Variants in MED16 observed in about 807,000 individuals in gnomAD.
MED16 encodes mediator complex subunit 16.
In MED16, 81 loss-of-function variants were observed where a neutral mutation model predicts 84.4. That is an observed-to-expected ratio of 0.96 (90% confidence interval 0.80 to 1.15). The LOEUF is 1.15. Ranked by LOEUF, MED16 falls within the 50% of genes most tolerant of loss-of-function variation. The probability of loss-of-function intolerance (pLI) is 0.00; values close to 1 mark genes in which losing one functional copy is unlikely to be tolerated. For synonymous variants in MED16, 897 were observed against 552.2 expected (o/e 1.62, Z -8.76); for missense variants, 1,585 against 1,245.9 (o/e 1.27, Z -4.10).
intron 9 of MED16, among the ~76,000 whole-genome samples, chr19:876,257 C>G (rs1050248852): frequency 2.6e-5 from 4 of 152,112 alleles, no homozygotes; most frequent in African/African-American, 9.7e-5. Context: ...TGAGGTCCTT[C>G]GAGGACACTC....
chr19:872,613 C>G (rs1019462790), intron 11 of MED16, among the ~76,000 whole-genome samples: 1 of 137,764 alleles, frequency 7.3e-6, no homozygotes, highest in African/African-American at 2.8e-5. Flanking sequence ...GTGGGTGGGG[C>G]AGAAGAAATC....
Position 868,133 on chromosome 19 carries a change from G to A in MED16, c.2602C>T (p.Leu868=), listed in dbSNP as rs745765961. 1.5e-5 allele frequency: 24 copies of A among 1,611,692 alleles called. No individual in the cohort carries two copies. Among genetic ancestry groups the A allele is most frequent in the Non-Finnish European group, 2.0e-5 (24 of 1,179,580 alleles). ...THHSPRTPRS[L]DHLHPEDRP Reference sequence around the variant, plus strand: ...CGGTCCTCTGGATGCAGATGGTCCAGGGATCTGGGGGTCCTGGGAGAGTGG... The same window carrying A: ...CGGTCCTCTGGATGCAGATGGTCCAAGGATCTGGGGGTCCTGGGAGAGTGG... The change falls in exon 16 of 16, where the codon CTG becomes TTG. Residue 868 remains leucine (L), a synonymous_variant. Transcript: ENST00000325464.
chr19:870,153 T>A (rs2036011257), intron 13 of MED16, among the ~76,000 whole-genome samples: 1 of 152,134 alleles, frequency 6.6e-6, no homozygotes, highest in East Asian at 1.9e-4. Flanking sequence ...CTAAGGCGTC[T>A]CTCTCCATCC....
intron 14 of MED16, 54 bp from the exon 15 acceptor site, chr19:868,553 C>T (rs1476699660): frequency 2.3e-5 from 36 of 1,589,754 alleles, no homozygotes; most frequent in South Asian, 7.8e-5. Context: ...GCCTCCCTTA[C>T]GCCTGCCCCA....
chr19:884,929 T>A lies in MED16; in HGVS notation c.959A>T (p.Asn320Ile). 4 of 1,609,468 alleles carry A rather than the reference T, an allele frequency of 2.5e-6. No individual in the cohort carries two copies. In the South Asian group the frequency reaches 3.3e-5, roughly 13 times the overall value. Residue 320 changes from asparagine to isoleucine, a missense_variant, in exon 6 of 16, where the codon AAC (asparagine) becomes ATC (isoleucine). By Grantham distance (149) the Asn-to-Ile change is moderately radical. Coordinates refer to ENST00000325464, the MANE Select transcript of MED16 (RefSeq NM_005481.3). ...SLRKEGLPVN[N>I]IFQQISPVVG... ...CACGGGGGAGATCTGCTGGAAGATG[T>A]TGTTCACGGGGAGTCCCTCCTTGCG... is the stretch of plus-strand genomic sequence containing the variant.
At chr19:885,429 G>A (rs1438193747) in intron 5 of MED16, among the ~76,000 whole-genome samples, 2 of 152,152 alleles carry the variant, frequency 1.3e-5, no homozygotes, top group East Asian at 3.9e-4. Context: ...ATTCGGTTCG[G>A]GACACTGAGA....
chr19:878,553 A>ACCAGCGCCAGCC (rs2036324779), intron 8 of MED16, among the ~76,000 whole-genome samples: 1 of 24,340 alleles, frequency 4.1e-5, no homozygotes, highest in Non-Finnish European at 7.8e-5. Context: ...GTCAATGCCC[A>ACCAGCGCCAGCC]CCAGCCCCAG....
intron 6 of MED16, among the ~76,000 whole-genome samples, chr19:883,252 G>A (rs2036456292): frequency 6.6e-6 from 1 of 151,662 alleles, no homozygotes; most frequent in African/African-American, 2.4e-5. Context: ...TGGGCACGTG[G>A]GGCGGTGCGT....
chr19:888,577 G>GCACAACAT (rs1418616498), intron 4 of MED16, among the ~76,000 whole-genome samples: 6 of 151,174 alleles, frequency 4.0e-5, no homozygotes, highest in Admixed American at 3.3e-4. Context: ...GGTGGTGGCC[G>GCACAACAT]CACAACATGG....
At chr19:883,737 G>A (rs574259177) in intron 6 of MED16, among the ~76,000 whole-genome samples, 86 of 152,232 alleles carry the variant, frequency 5.6e-4, no homozygotes, top group Non-Finnish European at 9.1e-4. Flanking sequence ...CGGGGGCACC[G>A]GGCAGTGAAG....
At chr19:877,891 G>C (rs565552453) in intron 8 of MED16, among the ~76,000 whole-genome samples, 9 of 106,526 alleles carry the variant, frequency 8.4e-5, no homozygotes, top group Non-Finnish European at 1.0e-4. Flanking sequence ...GGTTGTCAAT[G>C]CCCACCAGCC....
Position 868,136 on chromosome 19 carries a change from A to T in MED16, c.2599T>A (p.Ser867Thr). The change falls in exon 16 of 16, where the codon TCC (serine) becomes ACC (threonine). Residue 867 changes from serine (S) to threonine (T), a missense_variant. Coordinates refer to ENST00000325464, the MANE Select transcript of MED16 (RefSeq NM_005481.3). ...TCCTCTGGATGCAGATGGTCCAGGG[A>T]TCTGGGGGTCCTGGGAGAGTGGTGT... ...STHHSPRTPR[S>T]LDHLHPEDRP 1 of 1,611,868 alleles carries T rather than the reference A, an allele frequency of 6.2e-7. No homozygotes were observed. The highest frequency in any genetic ancestry group is 1.1e-5 in the South Asian group (1 of 90,984).
Position 884,938 on chromosome 19 carries a change from G to T in MED16, c.950C>A (p.Pro317His). The T allele has an allele frequency of 6.2e-7, 1 of 1,609,866 alleles. No homozygotes were observed. The highest frequency in any genetic ancestry group is 2.2e-5 in the East Asian group (1 of 44,848). ...ECWSLRKEGL[P>H]VNNIFQQISP... ...GATCTGCTGGAAGATGTTGTTCACG[G>T]GGAGTCCCTCCTTGCGCAGGGACCA... Residue 317 changes from proline (P) to histidine (H), a missense_variant, in exon 6 of 16, where the codon CCC becomes CAC. By Grantham distance (77) the Pro-to-His change is moderately conservative. Coordinates refer to ENST00000325464, the MANE Select transcript of MED16 (RefSeq NM_005481.3).
chr19:884,713 C>A (rs1599339521), intron 6 of MED16, among the ~76,000 whole-genome samples, 190 bp downstream of exon 6: 1 of 152,170 alleles, frequency 6.6e-6, no homozygotes, highest in East Asian at 1.9e-4. Flanking sequence ...ATACGCCTAA[C>A]ACACTCAGAA....
chr19:872,899 G>A (rs906325601), intron 11 of MED16: 5 of 1,004,032 alleles, frequency 5.0e-6, no homozygotes, highest in Middle Eastern at 4.9e-4. Context: ...TGTGGCCAAG[G>A]AAAGGCTTCT....
chr19:881,825 G>T, intron 6 of MED16, 111 bp from the exon 7 acceptor site: 1 of 1,293,900 alleles, frequency 7.7e-7, no homozygotes, highest in Non-Finnish European at 1.1e-6. Context: ...CCCTTCCCAG[G>T]TCTCATGCCG....
rs1420188381 is a variant in MED16, at chr19:875,359, G to T, written c.1656C>A (p.Phe552Leu). Residue 552 changes from phenylalanine to leucine, a missense_variant, in exon 10 of 16, where the codon TTC (phenylalanine) becomes TTA (leucine). By Grantham distance (22) the Phe-to-Leu change is conservative (BLOSUM62 0). Coordinates refer to ENST00000325464, the MANE Select transcript of MED16 (RefSeq NM_005481.3). ...TRVCDYHTKL[F>L]LIAISSTLKS... The stretch of plus-strand genomic sequence containing the variant: ...TCAGGGTGGAGCTGATGGCGATGAG[G>T]AAGAGCTTGGTGTGGTAGTCGCACA... The T allele has an allele frequency of 3.7e-6, 6 of 1,610,096 alleles. No homozygotes were observed. The highest frequency in any genetic ancestry group is 2.2e-5 in the East Asian group (1 of 44,874).
chr19:879,972 A>T lies in MED16; in HGVS notation c.1318T>A (p.Ser440Thr). ...HLKAMQLSWTSLALVGIDSHG... is the reference protein window; with the variant it reads ...HLKAMQLSWTTLALVGIDSHG... ...CTGTCAATCCCCACCAGGGCCAGTG[A>T]CGTCCACGATAGCTGCATAGCCTTT... Residue 440 changes from serine (S) to threonine (T), a missense_variant, in exon 8 of 16, where the codon TCA becomes ACA. Coordinates refer to ENST00000325464, the MANE Select transcript of MED16 (RefSeq NM_005481.3). 1 of 1,600,902 alleles carries T rather than the reference A, an allele frequency of 6.2e-7. No individual in the cohort carries two copies. Among genetic ancestry groups the T allele is most frequent in the Non-Finnish European group, 8.5e-7 (1 of 1,174,218 alleles).
intron 8 of MED16, among the ~76,000 whole-genome samples, chr19:878,086 C>G (rs529701381): frequency 7.2e-6 from 1 of 138,374 alleles, no homozygotes; most frequent in East Asian, 2.3e-4. Context: ...TGCCCCCCAG[C>G]CCCAGCCCCA....
Sources: allele counts gnomAD v4.1 joint callset (sites outside exome capture counted in the v4.1 genomes callset), GRCh38; gene constraint gnomAD v4.1.1; transcripts MANE v1.5; gene names NCBI Gene and HGNC (gene_info 2026-07-23, HGNC 2026-07-21).